The following RBFOX2 variants were observed in gnomAD, a reference collection of about 807,000 sequenced individuals.
The protein encoded by RBFOX2 is RNA binding fox-1 homolog 2.
In RBFOX2, 10 loss-of-function variants were observed where a neutral mutation model predicts 49.1. That is an observed-to-expected ratio of 0.20 (90% CI 0.13 to 0.35). The LOEUF (loss-of-function observed/expected upper bound fraction) is 0.35, where lower values mean the gene tolerates loss of function less well. RBFOX2 is among the 10% of genes least tolerant of loss of function. RBFOX2 has a pLI of 1.00. For synonymous variants in RBFOX2, 183 were observed against 187.4 expected (o/e 0.98, Z 0.19); for missense variants, 323 against 486.9 (o/e 0.66, Z 3.17).
chr22:35,768,597 G>A (rs1230776268), intron 4 of RBFOX2, among the ~76,000 whole-genome samples: 1 of 152,078 alleles, frequency 6.6e-6, no homozygotes, highest in East Asian at 1.9e-4. Context: ...AAAACATAAA[G>A]CATATGAGGC....
Position 35,759,742 on chromosome 22 carries a change from C to T in RBFOX2, c.887+146G>A. 4 of 1,102,336 alleles carry T rather than the reference C, an allele frequency of 3.6e-6. No individual in the cohort carries two copies. The highest frequency in any genetic ancestry group is 3.2e-5 in the South Asian group (2 of 61,568). The allele number at this position is 1,102,336 out of a possible 1,614,324, so 68.3% of individuals were successfully genotyped here. On this transcript the variant is annotated intron_variant, in intron 9 of 11. Coordinates refer to ENST00000405409, the Ensembl canonical transcript of RBFOX2. This position sits in a 1 kb window ranked among gnomAD's most constrained non-coding sequence, Gnocchi z 4.6. ...GATGATGGTATATTTTGTTTTTTGTCATCTAATCTGTTAATTTGCAAATAT... is the reference window on the plus strand; with the variant it reads ...GATGATGGTATATTTTGTTTTTTGTTATCTAATCTGTTAATTTGCAAATAT...
Position 35,936,640 on chromosome 22 carries a change from A to G in RBFOX2, c.-34+2207T>C, listed in dbSNP as rs566113388. Among the ~76,000 whole-genome samples, 14 of 152,320 alleles carry G rather than the reference A, an allele frequency of 9.2e-5. No homozygotes were observed. In the South Asian group the frequency reaches 2.9e-3, roughly 32 times the overall value. Reference sequence around the variant, plus strand: ...TCACCATCAGAATGTGCCTCAAAGTAAATCAGCAGCTTTAAACCATGGCAA... The same window carrying G: ...TCACCATCAGAATGTGCCTCAAAGTGAATCAGCAGCTTTAAACCATGGCAA... On this transcript the variant is annotated intron_variant, in intron 1 of 13. Transcript: ENST00000359369.
At chr22:35,846,726 G>C (rs1455175915) in intron 1 of RBFOX2, among the ~76,000 whole-genome samples, 4 of 152,122 alleles carry the variant, frequency 2.6e-5, no homozygotes, top group African/African-American at 9.7e-5. Flanking sequence ...CTGCACTCCA[G>C]CCTGGGTGAC....
rs182216092 is a variant in RBFOX2, at chr22:35,759,447, G to A, written c.887+441C>T. Among the ~76,000 whole-genome samples the A allele has an allele frequency of 6.6e-6, 1 of 152,194 alleles. No individual in the cohort carries two copies. Among genetic ancestry groups the A allele is most frequent in the African/African-American group, 2.4e-5 (1 of 41,450 alleles). Reference sequence around the variant, plus strand: ...CACCACCCAGGCAGTGAAACCAAAGGGGAGGACACATGTGACAGCCTCTGC... The same window carrying A: ...CACCACCCAGGCAGTGAAACCAAAGAGGAGGACACATGTGACAGCCTCTGC... On this transcript the variant is annotated intron_variant, in intron 9 of 11. Coordinates refer to ENST00000405409, the Ensembl canonical transcript of RBFOX2. The surrounding 1 kb of genome is among the most constrained non-coding windows in gnomAD (Gnocchi z 4.6).
intron 1 of RBFOX2, among the ~76,000 whole-genome samples, chr22:35,832,769 T>C (rs1451740920): frequency 3.3e-5 from 5 of 152,168 alleles, no homozygotes; most frequent in South Asian, 4.1e-4. Context: ...GAGGCGCAGA[T>C]TGCAGTGAGC....
intron 1 of RBFOX2, among the ~76,000 whole-genome samples, chr22:35,930,698 T>C (rs1288143336): frequency 6.6e-6 from 1 of 151,858 alleles, no homozygotes; most frequent in Non-Finnish European, 1.5e-5. Flanking sequence ...GGTTTGGTGG[T>C]GTGCGCCTGT....
intron 1 of RBFOX2, among the ~76,000 whole-genome samples, chr22:35,982,858 A>G (rs566909313): frequency 3.3e-5 from 5 of 151,878 alleles, no homozygotes; most frequent in Non-Finnish European, 7.4e-5. Context: ...AAACAGCAAC[A>G]AGAGAGTGTG....
At chr22:35,797,167 C>T (rs1323367262) in intron 2 of RBFOX2, among the ~76,000 whole-genome samples, 1 of 151,968 alleles carries the variant, frequency 6.6e-6, no homozygotes, top group Non-Finnish European at 1.5e-5. Flanking sequence ...TTAGAGCTAC[C>T]TTCTTTTAAA....
intron 9 of RBFOX2, 148 bp from the exon 12 acceptor site, chr22:35,746,709 A>C: frequency 2.3e-6 from 1 of 426,834 alleles, no homozygotes; most frequent in Non-Finnish European, 4.2e-6. Context: ...AAATGTTTCA[A>C]ACTGCATCAG....
chr22:35,906,949 A>G (rs2049189873), intron 1 of RBFOX2, among the ~76,000 whole-genome samples: 1 of 152,248 alleles, frequency 6.6e-6, no homozygotes, highest in Non-Finnish European at 1.5e-5. Context: ...TCCTTACCAT[A>G]ATCTTGTATT....
chr22:35,958,900 C>A (rs1012300758), intron 1 of RBFOX2, among the ~76,000 whole-genome samples: 2 of 151,886 alleles, frequency 1.3e-5, no homozygotes, highest in African/African-American at 4.8e-5. Context: ...ATCTTCTAGC[C>A]CTCTTAGATA....
At chr22:36,020,973 A>G (rs2059223378) in intron 1 of RBFOX2, among the ~76,000 whole-genome samples, 2 of 152,148 alleles carry the variant, frequency 1.3e-5, no homozygotes, top group South Asian at 4.1e-4. Context: ...ACTATTCACA[A>G]TAGCAAAGAC....
chr22:35,847,640 C>G (rs1417009844), intron 1 of RBFOX2, among the ~76,000 whole-genome samples: 5 of 152,114 alleles, frequency 3.3e-5, no homozygotes, highest in African/African-American at 1.2e-4. Flanking sequence ...GCTTGGGATC[C>G]TTCAATTTAA....
chr22:35,759,983 T>C lies in RBFOX2; in HGVS notation c.792A>G (p.Ala264=). The C allele has an allele frequency of 6.2e-7, 1 of 1,613,904 alleles. No individual in the cohort carries two copies. The stretch of plus-strand genomic sequence containing the variant: ...TCAAATGGGCTCCTCTGAAAGCGGC[T>C]GCCGTGGTGGCTGCAGTAGGGTAAG... The change falls in exon 9 of 12, where the codon GCA becomes GCG. Residue 264 remains alanine, a synonymous_variant. Transcript: ENST00000405409. This position sits in a 1 kb window ranked among gnomAD's most constrained non-coding sequence, Gnocchi z 4.6.
intron 9 of RBFOX2, among the ~76,000 whole-genome samples, chr22:35,756,608 G>T (rs557067011): frequency 6.6e-6 from 1 of 152,256 alleles, no homozygotes; most frequent in African/African-American, 2.4e-5. Flanking sequence ...TTCCACTAGG[G>T]CAGGGCCTGT....
At chr22:35,831,509 T>G (rs1956800711) in intron 1 of RBFOX2, among the ~76,000 whole-genome samples, 1 of 152,210 alleles carries the variant, frequency 6.6e-6, no homozygotes, top group Non-Finnish European at 1.5e-5. Context: ...ACATGGAACT[T>G]AAATTTCAGT....
chr22:36,015,544 G>T (rs1191074263), intron 1 of RBFOX2, among the ~76,000 whole-genome samples: 1 of 152,190 alleles, frequency 6.6e-6, no homozygotes, highest in Non-Finnish European at 1.5e-5. Flanking sequence ...GATGTTGGGA[G>T]CCACCACAAA....
chr22:35,966,372 T>C (rs780695328), upstream of RBFOX2, among the ~76,000 whole-genome samples: 1 of 152,206 alleles, frequency 6.6e-6, no homozygotes, highest in Non-Finnish European at 1.5e-5. Context: ...TGACTGGTTA[T>C]AGGGTACACT....
chr22:35,988,343 A>G (rs967132480), intron 1 of RBFOX2, among the ~76,000 whole-genome samples: 1 of 152,228 alleles, frequency 6.6e-6, no homozygotes, highest in Non-Finnish European at 1.5e-5. Context: ...GGGAATTTAA[A>G]AAGAAAAAAT....
Sources: gnomAD v4.1 joint callset for allele counts (sites outside exome capture counted in the v4.1 genomes callset) on GRCh38, gnomAD v4.1.1 for gene constraint, Gnocchi (gnomAD v3.1) non-coding constraint, MANE v1.5 for transcripts, NCBI Gene and HGNC (gene_info 2026-07-23, HGNC 2026-07-21) for gene names.